The following FRMPD4 variants were observed in gnomAD, a reference collection of about 807,000 sequenced individuals.
FRMPD4 encodes the protein FERM and PDZ domain containing 4.
In FRMPD4, 22 loss-of-function variants were observed where a neutral mutation model predicts 94.1. That is an observed-to-expected ratio of 0.23 (90% CI 0.17 to 0.33). The LOEUF (loss-of-function observed/expected upper bound fraction) is 0.33. Ranked by LOEUF, FRMPD4 falls within the 10% of genes least tolerant of loss-of-function variation. The pLI is 1.00. For synonymous variants in FRMPD4, 631 were observed against 548.6 expected (o/e 1.15, Z -2.10); for missense variants, 1,111 against 1,339.9 (o/e 0.83, Z 2.67).
At position 12,717,069 on chromosome X, in the gene FRMPD4, C is replaced by T; in HGVS notation, c.2610C>T (p.Val870=). The change falls in exon 15 of 17, where the codon GTC becomes GTT. Residue 870 remains valine, a synonymous_variant. Transcript: ENST00000675598. ...KCEKGLDNAV[V]STLGALEALS... Reference sequence around the variant, plus strand: ...AGAAGGGACTGGATAATGCCGTCGTCTCCACGCTGGGAGCTCTAGAGGCTC... The same window carrying T: ...AGAAGGGACTGGATAATGCCGTCGTTTCCACGCTGGGAGCTCTAGAGGCTC... 1 of 1,207,028 alleles carries T rather than the reference C, an allele frequency of 8.3e-7. No homozygotes were observed. Among genetic ancestry groups the T allele is most frequent in the Non-Finnish European group, 1.1e-6 (1 of 891,552 alleles).
At chrX:11,927,395 T>C (rs1016418908) in intron 3 of FRMPD4, among the ~76,000 whole-genome samples, 10 of 111,926 alleles carry the variant, frequency 8.9e-5, no homozygotes, top group Non-Finnish European at 1.3e-4. Flanking sequence ...TAGAAAAAAC[T>C]ATTTTAAAAT....
At position 12,718,565 on chromosome X, in the gene FRMPD4, T is replaced by C; in HGVS notation, c.3739T>C (p.Leu1247=). 4.1e-6 allele frequency: 5 copies of C among 1,208,268 alleles called. No homozygotes were observed. The highest frequency in any genetic ancestry group is 1.7e-5 in the African/African-American group (1 of 57,753). Residue 1247 remains leucine (L), a synonymous_variant, in exon 16 of 17, where the codon TTG becomes CTG. Transcript: ENST00000675598. ...SPLCPSLGKH[L]IPDASGKGVN... ...GCTCTGCCCCTCCCTGGGGAAGCAC[T>C]TGATTCCTGACGCTTCTGGGAAAGG...
rs181431068 is a variant in FRMPD4, at chrX:12,264,927, G to C, written c.41+125915G>C. 3.2e-3 allele frequency among the ~76,000 whole-genome samples: 359 copies of C among 112,076 alleles called. 1 individual carries two copies. The highest frequency in any genetic ancestry group is 0.011 in the African/African-American group (339 of 30,842). ...CCTTCCATCTCCTAAGTAGGCTCAG[G>C]GTTAAGAGCTGTAGTATAAAGTAGG... On this transcript the variant is annotated intron_variant, in intron 1 of 16. Transcript: ENST00000675598.
chrX:12,194,533 G>T (rs983367560), intron 1 of FRMPD4, among the ~76,000 whole-genome samples: 2 of 111,484 alleles, frequency 1.8e-5, no homozygotes, highest in Non-Finnish European at 3.8e-5. Context: ...TGTTACAGGC[G>T]TTGGGGATGA....
At chrX:12,365,414 A>G (rs2056059892) in intron 1 of FRMPD4, among the ~76,000 whole-genome samples, 1 of 111,562 alleles carries the variant, frequency 9.0e-6, no homozygotes, top group Non-Finnish European at 1.9e-5. Flanking sequence ...ATAGAGCTCT[A>G]TCAGTGCCTT....
rs575327437 is a variant in FRMPD4 at position 12,033,847 on chromosome X, G to A, written c.95+155829G>A. 1.2e-3 allele frequency among the ~76,000 whole-genome samples: 137 copies of A among 111,959 alleles called. 4 individuals carry two copies. The South Asian group carries it at 0.051, about 42-fold the overall frequency. The stretch of plus-strand genomic sequence containing the variant: ...CGAGTAGCTGGGATTACAGGCATGT[G>A]CCACCACACCCAGCTAATTTTGTAT... On this transcript the variant is annotated intron_variant, in intron 3 of 18. Transcript: ENST00000640291.
chrX:12,093,303 C>T (rs1210506462), intron 3 of FRMPD4, among the ~76,000 whole-genome samples: 2 of 111,112 alleles, frequency 1.8e-5, no homozygotes, highest in Non-Finnish European at 3.8e-5. Flanking sequence ...AAGAGAGTGT[C>T]CATTCTACAG....
At chrX:12,562,200 C>T (rs756332537) in intron 2 of FRMPD4, among the ~76,000 whole-genome samples, 5 of 112,512 alleles carry the variant, frequency 4.4e-5, no homozygotes, top group African/African-American at 9.7e-5. Flanking sequence ...GTTGGGTATT[C>T]CCCAGAGAGG....
chrX:12,241,221 A>G (rs1482520889), intron 1 of FRMPD4, among the ~76,000 whole-genome samples: 1 of 112,238 alleles, frequency 8.9e-6, no homozygotes, highest in Non-Finnish European at 1.9e-5. Context: ...CCAAAGATTT[A>G]TCTGTTTTGG....
At chrX:12,175,705 G>A (rs1419069415) in intron 1 of FRMPD4, among the ~76,000 whole-genome samples, 5 of 111,441 alleles carry the variant, frequency 4.5e-5, no homozygotes, top group African/African-American at 1.3e-4. Context: ...GTAAAGACGG[G>A]GTTTTGCCAT....
chrX:12,434,821 G>A (rs2057047235), intron 1 of FRMPD4, among the ~76,000 whole-genome samples: 1 of 112,616 alleles, frequency 8.9e-6, no homozygotes, highest in African/African-American at 3.2e-5. Flanking sequence ...AGGCATTCAT[G>A]TTTTAGTTTG....
At chrX:12,364,031 A>G (rs972276598) in intron 1 of FRMPD4, among the ~76,000 whole-genome samples, 2 of 111,676 alleles carry the variant, frequency 1.8e-5, no homozygotes, top group South Asian at 3.8e-4. Context: ...TTTAGAATCT[A>G]TGAGGTGTCA....
intron 1 of FRMPD4, among the ~76,000 whole-genome samples, chrX:12,470,451 C>G (rs1238301434): frequency 8.9e-6 from 1 of 111,897 alleles, no homozygotes; most frequent in Non-Finnish European, 1.9e-5. Flanking sequence ...CTGAATTGCC[C>G]TTGCATTGGG....
chrX:12,230,286 G>A (rs185603432), intron 1 of FRMPD4, among the ~76,000 whole-genome samples: 88 of 111,522 alleles, frequency 7.9e-4, no homozygotes, highest in Non-Finnish European at 1.4e-3. Context: ...AAGTTTTGGC[G>A]CTACTATTGC....
rs57877846 is a variant in FRMPD4, at chrX:12,696,586, C to CAAAAAAAA, written c.933+2145_933+2152dup. Among the ~76,000 whole-genome samples, 94 of 30,041 alleles carry CAAAAAAAA rather than the reference C, an allele frequency of 3.1e-3. 5 individuals are homozygous for CAAAAAAAA. Among genetic ancestry groups the CAAAAAAAA allele is most frequent in the African/African-American group, 8.4e-3 (80 of 9,500 alleles). The allele number at this position is 30,041 out of a possible 115,157, so 26.1% of individuals were successfully genotyped here. A position where few individuals can be genotyped will look rare whatever the true frequency, so the allele number is the denominator to read the frequency against. On this transcript the variant is annotated intron_variant, in intron 9 of 16. Coordinates refer to ENST00000675598, the MANE Select transcript of FRMPD4 (RefSeq NM_001368397.1). Reference sequence around the variant, plus strand: ...AAAGAGAGAAAAAACAAAAATGAAGCAAAAAAAAAAAAAAAAAAAAGACAC... The same window carrying CAAAAAAAA: ...AAAGAGAGAAAAAACAAAAATGAAGCAAAAAAAAAAAAAAAAAAAAAAAAAAAAGACAC...
At chrX:11,888,778 AT>A (rs2147319657) in intron 3 of FRMPD4, among the ~76,000 whole-genome samples, 1 of 112,605 alleles carries the variant, frequency 8.9e-6, no homozygotes, top group East Asian at 2.8e-4. Flanking sequence ...TCTAAAAAAA[AT>A]GCATACCTTA....
At chrX:12,388,850 T>TATATATATATATATATACACAC (rs1491368741) in intron 1 of FRMPD4, among the ~76,000 whole-genome samples, 19 of 73,454 alleles carry the variant, frequency 2.6e-4, no homozygotes, top group African/African-American at 9.6e-4. Flanking sequence ...TATATATATA[T>TATATATATATATATATACACAC]ACACACAATG....
chrX:12,053,440 G>GA (rs2054836047), intron 3 of FRMPD4, among the ~76,000 whole-genome samples: 2 of 102,558 alleles, frequency 2.0e-5, no homozygotes, highest in African/African-American at 7.2e-5. Context: ...GAGAAAGAAA[G>GA]AAGAGAAGAG....
At chrX:11,927,465 G>T (rs1238604835) in intron 3 of FRMPD4, among the ~76,000 whole-genome samples, 1 of 111,789 alleles carries the variant, frequency 8.9e-6, no homozygotes, top group Non-Finnish European at 1.9e-5. Flanking sequence ...AAAGAACAAA[G>T]CTGGAGGCAT....
Sources: gnomAD v4.1 joint callset for allele counts (sites outside exome capture counted in the v4.1 genomes callset) on GRCh38, gnomAD v4.1.1 for gene constraint, MANE v1.5 for transcripts, NCBI Gene and HGNC (gene_info 2026-07-23, HGNC 2026-07-21) for gene names.